Variants in KIFC2 observed in about 807,000 individuals in gnomAD.
KIFC2 encodes the protein kinesin-like protein KIFC2.
Under a neutral mutation model 91.5 loss-of-function variants are expected in KIFC2, and 94 were observed. That is an observed-to-expected ratio of 1.03 (90% confidence interval 0.87 to 1.22). The LOEUF is 1.22. Among genes scored for constraint, KIFC2 ranks in the 50% most tolerant of loss-of-function variants. The pLI, the probability that KIFC2 is intolerant of heterozygous loss-of-function variation, is 0.00. For synonymous variants in KIFC2, 729 were observed against 503.9 expected (o/e 1.45, Z -5.98); for missense variants, 1,357 against 1,103.3 (o/e 1.23, Z -3.26).
Position 144,467,703 on chromosome 8 carries a change from C to T in KIFC2, c.616-11C>T, listed in dbSNP as rs369828636. On this transcript the variant is annotated splice_polypyrimidine_tract_variant and intron_variant, in intron 5 of 17. Transcript: ENST00000645548. ...AAGGAGGTCCACCCTGTCTCTCTTACTTCTCCCCAGCTGGAGGAGCTGAAG... is the reference window on the plus strand; with the variant it reads ...AAGGAGGTCCACCCTGTCTCTCTTATTTCTCCCCAGCTGGAGGAGCTGAAG... The T allele has an allele frequency of 9.7e-5, 157 of 1,613,452 alleles. 1 individual carries two copies. Among genetic ancestry groups the T allele is most frequent in the Non-Finnish European group, 1.2e-4 (140 of 1,179,846 alleles).
rs908216919 is a variant in KIFC2 at position 144,466,344 on chromosome 8, C to A, written c.-76C>A. The A allele has an allele frequency of 1.0e-5, 5 of 495,530 alleles. No homozygotes were observed. Among genetic ancestry groups the A allele is most frequent in the Non-Finnish European group, 1.4e-5 (5 of 350,406 alleles). 30.7% of individuals were successfully genotyped at this position (495,530 alleles called of 1,614,324 possible). On this transcript the variant is annotated 5_prime_UTR_variant, in exon 1 of 18. Coordinates refer to ENST00000645548, the MANE Select transcript of KIFC2 (RefSeq NM_001369769.2). Reference sequence around the variant, plus strand: ...GTCGCGAGCATGCGCACCGGCACTGCGGCGGGCGGGCGCCGAGTCTGGGCG... The same window carrying A: ...GTCGCGAGCATGCGCACCGGCACTGAGGCGGGCGGGCGCCGAGTCTGGGCG...
intron 12 of KIFC2, 91 bp from the exon 13 acceptor site, chr8:144,471,851 A>T: frequency 1.8e-6 from 2 of 1,127,110 alleles, no homozygotes; most frequent in Non-Finnish European, 2.7e-6. Context: ...CTCTGCTCAC[A>T]CCTGCCTTCG....
At position 144,467,076 on chromosome 8, in the gene KIFC2, A is replaced by G. The variant is rs1326744610; in HGVS notation, c.296A>G (p.Glu99Gly). ...TTCCTCTCCGTCCAGCTGGGGGCGGAAGAGAGCTGCGGGGGCCCGGCGGAC... is the reference window on the plus strand; with the variant it reads ...TTCCTCTCCGTCCAGCTGGGGGCGGGAGAGAGCTGCGGGGGCCCGGCGGAC... ...AEFLSVQLGA[E>G]ESCGGPADLG... Residue 99 changes from glutamate to glycine, a missense_variant, in exon 3 of 18, where the codon GAA becomes GGA. Glu to Gly is a moderately conservative substitution (Grantham distance 98). Coordinates refer to ENST00000645548, the MANE Select transcript of KIFC2 (RefSeq NM_001369769.2). 1 of 1,598,024 alleles carries G rather than the reference A, an allele frequency of 6.3e-7. No homozygotes were observed. The highest frequency in any genetic ancestry group is 1.1e-5 in the South Asian group (1 of 89,478).
At chr8:144,468,461 G>C (rs1385723136) in intron 8 of KIFC2, 55 bp downstream of exon 8, 2 of 1,592,024 alleles carry the variant, frequency 1.3e-6, no homozygotes, top group Non-Finnish European at 1.7e-6. Flanking sequence ...CTGGGGTTTT[G>C]GGAGGGGCTT....
chr8:144,469,167 A>G (rs1485641963), intron 10 of KIFC2, 104 bp from the exon 11 acceptor site: 3 of 926,904 alleles, frequency 3.2e-6, no homozygotes, highest in African/African-American at 3.4e-5. Flanking sequence ...AGCACAGCTG[A>G]GCGGGCCTGT....
rs781614098 is a variant in KIFC2 at position 144,467,011 on chromosome 8, C to A, written c.231C>A (p.Ala77=). 4.4e-6 allele frequency: 7 copies of A among 1,596,290 alleles called. No individual in the cohort carries two copies. The highest frequency in any genetic ancestry group is 1.3e-5 in the African/African-American group (1 of 74,680). Residue 77 remains alanine, a synonymous_variant, in exon 3 of 18, where the codon GCC becomes GCA. Coordinates refer to ENST00000645548, the MANE Select transcript of KIFC2 (RefSeq NM_001369769.2). ...GSEGAAEGRA[A]AVSLEEALLR... is the part of the protein sequence containing the mutation. ...AAGGCGCAGCCGAGGGCCGCGCGGC[C>A]GCGGTGTCCCTGGAAGAGGCCCTAC...
chr8:144,474,164 C>A lies in KIFC2; in HGVS notation c.*775C>A. 8.3e-7 allele frequency: 1 copy of A among 1,200,054 alleles called. No individual in the cohort carries two copies. The highest frequency in any genetic ancestry group is 1.2e-6 in the Non-Finnish European group (1 of 867,692). The allele number at this position is 1,200,054 out of a possible 1,614,324, so 74.3% of individuals were successfully genotyped here. ...CGAGGCTGCTGTGGTCGCAGACAGC[C>A]GCCTCGCCTTGGCTCCCTGTCAACA... On this transcript the variant is annotated 3_prime_UTR_variant, in exon 18 of 18. Transcript: ENST00000645548.
chr8:144,467,091 G>T lies in KIFC2; in HGVS notation c.311G>T (p.Gly104Val), dbSNP rs1182088885. 3.8e-6 allele frequency: 6 copies of T among 1,598,566 alleles called. No homozygotes were observed. Among genetic ancestry groups the T allele is most frequent in the Non-Finnish European group, 4.3e-6 (5 of 1,172,770 alleles). ...VQLGAEESCGGPADLGQSGEV... is the reference protein window; with the variant it reads ...VQLGAEESCGVPADLGQSGEV... ...CTGGGGGCGGAAGAGAGCTGCGGGG[G>T]CCCGGCGGACCTGGGCCAGGTGAGC... The change falls in exon 3 of 18, where the codon GGC becomes GTC. Residue 104 changes from glycine to valine, a missense_variant. Physicochemically the swap from Gly to Val is moderately radical, Grantham distance 109. Coordinates refer to ENST00000645548, the MANE Select transcript of KIFC2 (RefSeq NM_001369769.2).
chr8:144,466,941 C>A lies in KIFC2; in HGVS notation c.179-18C>A. The A allele has an allele frequency of 6.3e-7, 1 of 1,586,014 alleles. No individual in the cohort carries two copies. Among genetic ancestry groups the A allele is most frequent in the Non-Finnish European group, 8.5e-7 (1 of 1,173,700 alleles). On this transcript the variant is annotated intron_variant, in intron 2 of 17. Transcript: ENST00000645548. ...CACGTGACCCGAAATGTCTCCCGCC[C>A]TCCTCCCTGACCGGCAGCCAGCTCC...
chr8:144,472,572 T>C lies in KIFC2; in HGVS notation c.1732-5T>C. 2 of 1,611,394 alleles carry C rather than the reference T, an allele frequency of 1.2e-6. No individual in the cohort carries two copies. The highest frequency in any genetic ancestry group is 1.1e-5 in the South Asian group (1 of 91,048). On this transcript the variant is annotated splice_region_variant and splice_polypyrimidine_tract_variant and intron_variant, in intron 15 of 17. Coordinates refer to ENST00000645548, the MANE Select transcript of KIFC2 (RefSeq NM_001369769.2). ...ACCTGACCAGCCCTTCGCCCCGCCT[T>C]CCAGATGCTGAAACTGGGGAGGAGC...
intron 14 of KIFC2, 38 bp from the exon 15 acceptor site, chr8:144,472,323 G>A (rs776026629): frequency 1.1e-5 from 17 of 1,613,492 alleles, no homozygotes; most frequent in Non-Finnish European, 1.4e-5. Flanking sequence ...CGGATTTCCA[G>A]AGAATTCTGG....
At position 144,469,390 on chromosome 8, in the gene KIFC2, C is replaced by T; in HGVS notation, c.1222+11C>T. The stretch of plus-strand genomic sequence containing the variant: ...TGCCAGAACTCAAGGGTATGACAGG[C>T]TTGGGAGCCTAGCGGGGCAGGGAGG... On this transcript the variant is annotated intron_variant, in intron 11 of 17. Coordinates refer to ENST00000645548, the MANE Select transcript of KIFC2 (RefSeq NM_001369769.2). 6.2e-7 allele frequency: 1 copy of T among 1,611,800 alleles called. No individual in the cohort carries two copies. The highest frequency in any genetic ancestry group is 8.5e-7 in the Non-Finnish European group (1 of 1,179,302).
chr8:144,466,879 C>T (rs758524033), intron 2 of KIFC2, 41 bp downstream of exon 2: 44 of 1,538,302 alleles, frequency 2.9e-5, no homozygotes, highest in East Asian at 7.2e-5. Flanking sequence ...AGGGCGGTGC[C>T]GGGACCTCCC....
Position 144,466,471 on chromosome 8 carries a change from A to G in KIFC2, c.52A>G (p.Arg18Gly). Residue 18 changes from arginine to glycine, a missense_variant, in exon 1 of 18, where the codon AGG becomes GGG. By Grantham distance (125) the Arg-to-Gly change is moderately radical. Coordinates refer to ENST00000645548, the MANE Select transcript of KIFC2 (RefSeq NM_001369769.2). ...CTACATCTTCTACAGCCTCTTCCGCAGGGATGGTGGCGCCGCGGCGGCCGC... is the reference window on the plus strand; with the variant it reads ...CTACATCTTCTACAGCCTCTTCCGCGGGGATGGTGGCGCCGCGGCGGCCGC... ...LIYIFYSLFRRDGGAAAAAEP... is the reference protein window; with the variant it reads ...LIYIFYSLFRGDGGAAAAAEP... The G allele has an allele frequency of 7.4e-7, 1 of 1,349,022 alleles. No homozygotes were observed. The highest frequency in any genetic ancestry group is 9.6e-7 in the Non-Finnish European group (1 of 1,039,672). 83.6% of individuals were successfully genotyped at this position (1,349,022 alleles called of 1,614,324 possible).
chr8:144,471,078 T>A (rs1307968413), intron 12 of KIFC2, among the ~76,000 whole-genome samples: 5 of 152,000 alleles, frequency 3.3e-5, no homozygotes, highest in African/African-American at 1.2e-4. Context: ...ATTCTCCTGC[T>A]TCAGCCTCCG....
rs751512287 is a variant in KIFC2 at position 144,467,327 on chromosome 8, C to T, written c.455C>T (p.Pro152Leu). ...ACTCAGCCAGCCCCTCGGGTCCGGCCCCCCTCTCCAGATGGTGAGTAAAGG... is the reference window on the plus strand; with the variant it reads ...ACTCAGCCAGCCCCTCGGGTCCGGCTCCCCTCTCCAGATGGTGAGTAAAGG... ...QGTQPAPRVR[P>L]PSPDGSTSQE... The change falls in exon 4 of 18, where the codon CCC (proline) becomes CTC (leucine). Residue 152 changes from proline to leucine, a missense_variant. Pro to Leu is a moderately conservative substitution (Grantham distance 98). Transcript: ENST00000645548. 1.6e-5 allele frequency: 25 copies of T among 1,608,048 alleles called. No homozygotes were observed. Among genetic ancestry groups the T allele is most frequent in the East Asian group, 8.9e-5 (4 of 44,864 alleles).
At chr8:144,469,968 C>T (rs1410283367) in intron 12 of KIFC2, among the ~76,000 whole-genome samples, 3 of 152,240 alleles carry the variant, frequency 2.0e-5, no homozygotes, top group East Asian at 1.9e-4. Context: ...AGGAGGCAAC[C>T]TTCTAGTCTT....
chr8:144,474,103 AC>A lies in KIFC2; in HGVS notation c.*716del. 1 of 695,878 alleles carries A rather than the reference AC, an allele frequency of 1.4e-6. No homozygotes were observed. The highest frequency in any genetic ancestry group is 2.7e-5 in the East Asian group (1 of 36,712). The allele number at this position is 695,878 out of a possible 1,614,324, so 43.1% of individuals were successfully genotyped here. On this transcript the variant is annotated 3_prime_UTR_variant, in exon 18 of 18. Coordinates refer to ENST00000645548, the MANE Select transcript of KIFC2 (RefSeq NM_001369769.2). ...CCATGCGTGGGGTGGCCCAATAAACACCGTGGACTCCCAGCAAGGCTGCTGC... is the reference window on the plus strand; with the variant it reads ...CCATGCGTGGGGTGGCCCAATAAACACGTGGACTCCCAGCAAGGCTGCTGC...
chr8:144,472,997 G>A lies in KIFC2; in HGVS notation c.2064G>A (p.Thr688=), dbSNP rs960131001. Residue 688 remains threonine, a synonymous_variant, in exon 17 of 18, where the codon ACG becomes ACA. Transcript: ENST00000645548. Reference sequence around the variant, plus strand: ...TGCCCTTCCGCGACTCGCAGCTCACGCGACTGCTGCAGCCGGCGCTGGGCC... The same window carrying A: ...TGCCCTTCCGCGACTCGCAGCTCACACGACTGCTGCAGCCGGCGCTGGGCC... ...PHVPFRDSQL[T]RLLQPALGPG... 1 of 1,437,200 alleles carries A rather than the reference G, an allele frequency of 7.0e-7. No individual in the cohort carries two copies. Among genetic ancestry groups the A allele is most frequent in the Non-Finnish European group, 9.1e-7 (1 of 1,103,154 alleles). The allele number at this position is 1,437,200 out of a possible 1,614,324, so 89.0% of individuals were successfully genotyped here.
Sources: gnomAD v4.1 joint callset for allele counts (sites outside exome capture counted in the v4.1 genomes callset) on GRCh38, gnomAD v4.1.1 for gene constraint, MANE v1.5 for transcripts, NCBI Gene and HGNC (gene_info 2026-07-23, HGNC 2026-07-21) for gene names.